The following FAM227B variants were observed in gnomAD, a reference collection of about 807,000 sequenced individuals.
FAM227B encodes family with sequence similarity 227 member B.
A neutral mutation model predicts 73.8 loss-of-function variants in FAM227B; 88 were observed. The ratio of observed to expected loss-of-function variants is 1.19; its 90% CI spans 1.00 to 1.42. The LOEUF (loss-of-function observed/expected upper bound fraction) is 1.42, where lower values mean the gene tolerates loss of function less well. Ranked by LOEUF, FAM227B falls within the 40% of genes most tolerant of loss-of-function variation. The pLI is 0.00. For missense variants in FAM227B, 632 were observed against 590.9 expected (o/e 1.07, Z -0.72); for synonymous variants, 210 against 190.5 (o/e 1.10, Z -0.84).
At chr15:49,536,981 G>A (rs944184844) in intron 10 of FAM227B, among the ~76,000 whole-genome samples, 1 of 151,990 alleles carries the variant, frequency 6.6e-6, no homozygotes, top group Non-Finnish European at 1.5e-5. Flanking sequence ...AGAACATAGG[G>A]CAATAGCTTC....
In FAM227B at chr15:49,478,150, A is replaced by C. The variant is rs530993185; in HGVS notation, c.1012+30061T>G. ...AGTACCCAGTGTTTAGCTCCCACTT[A>C]TAAGGGAAAACATGCAGTATTTAGT... is the stretch of plus-strand genomic sequence containing the variant. On this transcript the variant is annotated intron_variant, in intron 11 of 15. Transcript: ENST00000299338. Among the ~76,000 whole-genome samples, 3 of 152,234 alleles carry C rather than the reference A, an allele frequency of 2.0e-5. No individual in the cohort carries two copies. In the East Asian group the frequency reaches 5.8e-4, roughly 29 times the overall value.
chr15:49,620,336 G>C (rs2153348434), intron 1 of FAM227B: 1 of 152,296 alleles, frequency 6.6e-6, no homozygotes, highest in South Asian at 2.1e-4. Context: ...ATTCAGAGTA[G>C]TCAATAAAAC....
intron 14 of FAM227B, among the ~76,000 whole-genome samples, chr15:49,333,092 T>G (rs1254549207): frequency 1.3e-5 from 2 of 152,168 alleles, no homozygotes; most frequent in African/African-American, 4.8e-5. Flanking sequence ...CTCACTAAGT[T>G]AAAATCACTC....
intron 11 of FAM227B, among the ~76,000 whole-genome samples, chr15:49,474,397 G>A (rs998470912): frequency 6.6e-6 from 1 of 152,076 alleles, no homozygotes; most frequent in Admixed American, 6.6e-5. Context: ...ATATATTCAC[G>A]TATAATTGGT....
intron 11 of FAM227B, among the ~76,000 whole-genome samples, chr15:49,450,178 A>G (rs555498893): frequency 6.6e-6 from 1 of 152,162 alleles, no homozygotes; most frequent in Non-Finnish European, 1.5e-5. Flanking sequence ...AGAATGGCAG[A>G]AGAGTGAATT....
chr15:49,511,606 C>T (rs2059005287), intron 10 of FAM227B, among the ~76,000 whole-genome samples: 1 of 152,082 alleles, frequency 6.6e-6, no homozygotes, highest in Admixed American at 6.6e-5. Flanking sequence ...TGATGCTCTC[C>T]CTCCCTCTGC....
At chr15:49,331,938 T>C (rs933145726) in intron 14 of FAM227B, 89 bp from the exon 15 acceptor site, 1 of 786,522 alleles carries the variant, frequency 1.3e-6, no homozygotes, top group South Asian at 1.5e-5. Flanking sequence ...AAGAATTTAA[T>C]ATGCTGGGCA....
intron 14 of FAM227B, 94 bp from the exon 15 acceptor site, chr15:49,331,943 T>C: frequency 1.3e-6 from 1 of 764,302 alleles, no homozygotes; most frequent in Non-Finnish European, 2.3e-6. Context: ...TTTAATATGC[T>C]GGGCATTCGT....
intron 11 of FAM227B, among the ~76,000 whole-genome samples, chr15:49,406,983 G>A (rs2048558815): frequency 6.6e-6 from 1 of 152,110 alleles, no homozygotes; most frequent in Admixed American, 6.5e-5. Context: ...AGGCCCAGGA[G>A]AAGCCAGCAG....
rs766482048 is a variant in FAM227B, at chr15:49,568,403, T to C, written c.646-57A>G. 3.4e-4 allele frequency: 470 copies of C among 1,367,228 alleles called. 1 individual carries two copies. Among genetic ancestry groups the C allele is most frequent in the Middle Eastern group, 5.4e-4 (3 of 5,578 alleles). 84.7% of individuals were successfully genotyped at this position (1,367,228 alleles called of 1,614,324 possible). ...TTACAATTTAAAACTGGAATTTGTT[T>C]ACATGATGACAGCAATTTCATTTAT... is the stretch of plus-strand genomic sequence containing the variant. On this transcript the variant is annotated intron_variant, in intron 8 of 15. Coordinates refer to ENST00000299338, the MANE Select transcript of FAM227B (RefSeq NM_152647.3).
chr15:49,576,665 A>G lies in FAM227B; in HGVS notation c.546+76T>C, dbSNP rs1027002535. 13 of 859,532 alleles carry G rather than the reference A, an allele frequency of 1.5e-5. No individual in the cohort carries two copies. The East Asian group carries it at 3.2e-4, about 21-fold the overall frequency. The allele number at this position is 859,532 out of a possible 1,614,324, so 53.2% of individuals were successfully genotyped here. A position where few individuals can be genotyped will look rare whatever the true frequency, so the allele number is the denominator to read the frequency against. ...TCTTGTTGAACACCTAATTTATCAT[A>G]GCTTTAAGTAAAGGTCTGATTCATT... is the stretch of plus-strand genomic sequence containing the variant. On this transcript the variant is annotated intron_variant, in intron 7 of 15. Coordinates refer to ENST00000299338, the MANE Select transcript of FAM227B (RefSeq NM_152647.3).
chr15:49,547,236 T>C lies in FAM227B; in HGVS notation c.748-5430A>G, dbSNP rs1295069345. Among the ~76,000 whole-genome samples, 4 of 151,186 alleles carry C rather than the reference T, an allele frequency of 2.6e-5. No individual in the cohort carries two copies. The South Asian group carries it at 8.3e-4, about 32-fold the overall frequency. On this transcript the variant is annotated intron_variant, in intron 9 of 15. Coordinates refer to ENST00000299338, the MANE Select transcript of FAM227B (RefSeq NM_152647.3). ...TTACAGACAAGCAAATGCTGAGAGA[T>C]TTTGTCACCACCAGGCCTGCCCTAG...
chr15:49,432,036 C>A (rs2050668992), intron 11 of FAM227B, among the ~76,000 whole-genome samples: 1 of 151,624 alleles, frequency 6.6e-6, no homozygotes, highest in Non-Finnish European at 1.5e-5. Flanking sequence ...CTGTAATAAT[C>A]TTTGCTTATT....
intron 11 of FAM227B, among the ~76,000 whole-genome samples, chr15:49,494,466 A>G (rs764122946): frequency 9.2e-4 from 140 of 152,168 alleles, no homozygotes; most frequent in Admixed American, 1.4e-3. Flanking sequence ...GGACTTTATT[A>G]GTGAAAACTT....
intron 13 of FAM227B, among the ~76,000 whole-genome samples, chr15:49,339,242 G>A (rs2040295140): frequency 6.6e-6 from 1 of 152,130 alleles, no homozygotes; most frequent in Non-Finnish European, 1.5e-5. Context: ...GTCTTTTTGC[G>A]CTGGTTTCTC....
intron 6 of FAM227B, 92 bp from the exon 7 acceptor site, chr15:49,576,937 T>C (rs1213338732): frequency 3.0e-6 from 2 of 664,648 alleles, no homozygotes; most frequent in East Asian, 5.5e-5. Flanking sequence ...CATTTAACTA[T>C]CACTCACTAA....
intron 11 of FAM227B, among the ~76,000 whole-genome samples, chr15:49,491,582 C>T (rs1186362215): frequency 6.6e-6 from 1 of 151,750 alleles, no homozygotes; most frequent in African/African-American, 2.4e-5. Flanking sequence ...CAATCCATAC[C>T]CTGCTCTGCT....
At chr15:49,561,753 G>C (rs2074278019) in intron 9 of FAM227B, among the ~76,000 whole-genome samples, 2 of 151,866 alleles carry the variant, frequency 1.3e-5, no homozygotes, top group African/African-American at 4.8e-5. Flanking sequence ...ATAGTTTTTT[G>C]GTAAACAACT....
At chr15:49,458,748 T>C (rs1194703727) in intron 11 of FAM227B, among the ~76,000 whole-genome samples, 2 of 152,148 alleles carry the variant, frequency 1.3e-5, no homozygotes, top group East Asian at 3.9e-4. Flanking sequence ...TGGATATTTC[T>C]GAAGTTCCTA....
Sources: gnomAD v4.1 joint callset for allele counts (sites outside exome capture counted in the v4.1 genomes callset) on GRCh38, gnomAD v4.1.1 for gene constraint, MANE v1.5 for transcripts, NCBI Gene and HGNC (gene_info 2026-07-23, HGNC 2026-07-21) for gene names.